Variants in ZNF582 observed in about 807,000 individuals in gnomAD.
The protein encoded by ZNF582 is zinc finger protein 582.
Under a neutral mutation model 12.3 loss-of-function variants are expected in ZNF582, and 14 were observed. That is an observed-to-expected ratio of 1.14 (90% confidence interval 0.75 to 1.78). The LOEUF (loss-of-function observed/expected upper bound fraction) is 1.78. ZNF582 is among the 40% of genes most tolerant of loss of function. The pLI is 0.00. For synonymous variants in ZNF582, 210 were observed against 207.2 expected (o/e 1.01, Z -0.11); for missense variants, 567 against 616.5 (o/e 0.92, Z 0.85).
intron 2 of ZNF582, 151 bp from the exon 3 acceptor site, chr19:56,390,652 G>A (rs2042007799): frequency 1.4e-6 from 1 of 735,430 alleles, no homozygotes; most frequent in Non-Finnish European, 2.2e-6. Flanking sequence ...AAATGGGGAT[G>A]AGTAAAACAG....
chr19:56,388,902 C>T (rs1268613727), intron 4 of ZNF582, among the ~76,000 whole-genome samples: 1 of 152,176 alleles, frequency 6.6e-6, no homozygotes, highest in Non-Finnish European at 1.5e-5. Flanking sequence ...TAAGCATGAG[C>T]CACCATGCCC....
At chr19:56,383,615 C>A in exon 5 of ZNF582, 1 of 352,696 alleles carries the variant, frequency 2.8e-6, no homozygotes. Context: ...AACTTTTGCT[C>A]TTGATAAAAT....
chr19:56,393,483 C>A, exon 1 of ZNF582: 1 of 513,746 alleles, frequency 1.9e-6, no homozygotes, highest in East Asian at 5.6e-5. Context: ...GGCCGCGCCC[C>A]CGGCAGCCCA....
At chr19:56,390,272 CA>C (rs1258838861) in intron 3 of ZNF582, 102 bp downstream of exon 3, 115 of 1,570,954 alleles carry the variant, frequency 7.3e-5, no homozygotes, top group Non-Finnish European at 9.9e-5. Flanking sequence ...TTTAACCCCT[CA>C]AAAATGACCA....
At chr19:56,390,574 T>C (rs1477064564) in intron 2 of ZNF582, 73 bp from the exon 3 acceptor site, 2 of 1,565,212 alleles carry the variant, frequency 1.3e-6, no homozygotes, top group East Asian at 2.3e-5. Context: ...ATGGGGCAGG[T>C]CTTTGCGGGA....
chr19:56,384,318 A>T (rs1250870756), exon 5 of ZNF582: 1 of 1,613,860 alleles, frequency 6.2e-7, no homozygotes, highest in East Asian at 2.2e-5. Context: ...TTGCACTCAT[A>T]GGGTTTCTCA....
At position 56,385,202 on chromosome 19, in the gene ZNF582, C is replaced by T. The variant is rs751053782; in HGVS notation, c.233-18G>A. 11 of 1,547,456 alleles carry T rather than the reference C, an allele frequency of 7.1e-6. No individual in the cohort carries two copies. The highest frequency in any genetic ancestry group is 2.5e-5 in the South Asian group (2 of 81,228). ...CTCCAATACTAAGAATGAAAAAAAG[C>T]GAATATGTTTGGCTTCTTTTTTTTT... is the stretch of plus-strand genomic sequence containing the variant. On this transcript the variant is annotated intron_variant, in intron 4 of 4. Transcript: ENST00000586929.
intron 1 of ZNF582, among the ~76,000 whole-genome samples, chr19:56,392,800 G>A (rs927685404): frequency 6.6e-6 from 1 of 152,186 alleles, no homozygotes; most frequent in African/African-American, 2.4e-5. Context: ...TGTTAAACAA[G>A]AAGTACTCTG....
At chr19:56,388,779 CGTG>C (rs1437449402) in intron 4 of ZNF582, among the ~76,000 whole-genome samples, 2 of 152,104 alleles carry the variant, frequency 1.3e-5, no homozygotes, top group Admixed American at 6.5e-5. Context: ...ATTATAGGCA[CGTG>C]CCACCACACC....
At chr19:56,383,667 GAAATA>G (rs1255766528) in exon 5 of ZNF582, 2 of 515,222 alleles carry the variant, frequency 3.9e-6, no homozygotes, top group African/African-American at 4.0e-5. Context: ...GAATGTGTTA[GAAATA>G]AAATTTCTCC....
intron 4 of ZNF582, among the ~76,000 whole-genome samples, chr19:56,386,899 A>T (rs2041970962): frequency 6.6e-6 from 1 of 152,272 alleles, no homozygotes; most frequent in South Asian, 2.1e-4. Context: ...GCTGAATCAT[A>T]CATCATAGAT....
chr19:56,388,228 AAAT>A (rs2041984657), intron 4 of ZNF582: 1 of 152,204 alleles, frequency 6.6e-6, no homozygotes, highest in Non-Finnish European at 1.5e-5. Flanking sequence ...ACGTTGTGAT[AAAT>A]AATGATAATG....
exon 1 of ZNF582, chr19:56,393,406 A>G (rs765823050): frequency 1.2e-5 from 7 of 596,490 alleles, no homozygotes; most frequent in South Asian, 1.0e-4. Flanking sequence ...CTCCTGCTGG[A>G]CCCCAGAGCG....
exon 5 of ZNF582, chr19:56,384,815 C>A (rs1044392200): frequency 6.2e-7 from 1 of 1,600,402 alleles, no homozygotes; most frequent in Non-Finnish European, 8.5e-7. Flanking sequence ...ACATTCCTTA[C>A]ATTTATAGGG....
chr19:56,385,125 C>T (rs557432009), exon 5 of ZNF582: 26 of 1,612,618 alleles, frequency 1.6e-5, no homozygotes, highest in African/African-American at 4.0e-5. Context: ...TGGGGTGATT[C>T]GACTTCATAA....
At position 56,384,980 on chromosome 19, in the gene ZNF582, T is replaced by G. The variant is rs1357929199; in HGVS notation, c.437A>C (p.His146Pro). The G allele has an allele frequency of 1.9e-6, 3 of 1,614,174 alleles. No homozygotes were observed. The Admixed American group carries it at 5.0e-5, about 27-fold the overall frequency. The change falls in exon 5 of 5, where the codon CAT becomes CCT. Residue 146 changes from histidine (H) to proline (P), a missense_variant. His to Pro is a moderately conservative substitution (Grantham distance 77). Transcript: ENST00000586929. The stretch of plus-strand genomic sequence containing the variant: ...CTGGTCAAAAGTGGGCATTTCTTCA[T>G]GTCTGATGATCATCTGATGGAAATG...
chr19:56,384,145 T>A (rs1341183777), exon 5 of ZNF582: 3 of 1,612,750 alleles, frequency 1.9e-6, no homozygotes, highest in Non-Finnish European at 2.5e-6. Flanking sequence ...ATTCCTTACA[T>A]TCATATGGCT....
exon 1 of ZNF582, chr19:56,393,244 A>G (rs1203933559): frequency 8.0e-7 from 1 of 1,251,668 alleles, no homozygotes; most frequent in Non-Finnish European, 1.0e-6. Flanking sequence ...CACCTGGGCT[A>G]TGAGGCTGGA....
At chr19:56,392,590 T>C (rs925837342) in intron 1 of ZNF582, among the ~76,000 whole-genome samples, 1 of 152,236 alleles carries the variant, frequency 6.6e-6, no homozygotes, top group Non-Finnish European at 1.5e-5. Context: ...AGCCATATAA[T>C]GGGATGCCAA....
Sources: gnomAD v4.1 joint callset for allele counts (sites outside exome capture counted in the v4.1 genomes callset) on GRCh38, gnomAD v4.1.1 for gene constraint, MANE v1.5 for transcripts, NCBI Gene and HGNC (gene_info 2026-07-23, HGNC 2026-07-21) for gene names.